The following RIC8B variants were observed in gnomAD, a reference collection of about 807,000 sequenced individuals.
RIC8B encodes chaperone Ric-8B.
Under a neutral mutation model 57.5 loss-of-function variants are expected in RIC8B, and 16 were observed. The ratio of observed to expected loss-of-function variants is 0.28; its 90% CI spans 0.19 to 0.42. The LOEUF is 0.42. RIC8B is among the 10% of genes least tolerant of loss of function. The pLI, the probability that RIC8B is intolerant of heterozygous loss-of-function variation, is 1.00. For missense variants in RIC8B, 481 were observed against 677.0 expected (o/e 0.71, Z 3.21); for synonymous variants, 216 against 250.8 (o/e 0.86, Z 1.31).
At chr12:106,845,561 C>G (rs540527830) in intron 6 of RIC8B, among the ~76,000 whole-genome samples, 3 of 152,140 alleles carry the variant, frequency 2.0e-5, no homozygotes, top group African/African-American at 7.2e-5. Context: ...ATTAACTTTG[C>G]ACCTGCATTT....
At chr12:106,830,233 A>G (rs2046298873) in intron 4 of RIC8B, among the ~76,000 whole-genome samples, 1 of 152,214 alleles carries the variant, frequency 6.6e-6, no homozygotes, top group Non-Finnish European at 1.5e-5. Flanking sequence ...GGATTTTCAT[A>G]AGGATTGCGT....
chr12:106,881,173 C>A (rs1788111907), intron 9 of RIC8B, among the ~76,000 whole-genome samples: 1 of 151,620 alleles, frequency 6.6e-6, no homozygotes, highest in Non-Finnish European at 1.5e-5. Context: ...TCATAGCTCT[C>A]AAACTTTGTA....
chr12:106,860,422 CA>C lies in RIC8B; in HGVS notation c.1451+13del. ...AAAATGCAAAACCAAAGTATAGTAT[CA>C]AATTTCTTTTCACCTAACTATGGCT... is the stretch of plus-strand genomic sequence containing the variant. On this transcript the variant is annotated intron_variant, in intron 8 of 9. Coordinates refer to ENST00000392837, the MANE Select transcript of RIC8B (RefSeq NM_001330145.2). 3 of 1,527,604 alleles carry C rather than the reference CA, an allele frequency of 2.0e-6. No homozygotes were observed. The highest frequency in any genetic ancestry group is 2.6e-6 in the Non-Finnish European group (3 of 1,135,870). 94.6% of individuals were successfully genotyped at this position (1,527,604 alleles called of 1,614,324 possible). A position where few individuals can be genotyped will look rare whatever the true frequency, so the allele number is the denominator to read the frequency against.
chr12:106,883,617 A>G (rs1951055585), intron 9 of RIC8B, among the ~76,000 whole-genome samples: 2 of 151,866 alleles, frequency 1.3e-5, no homozygotes, highest in South Asian at 4.2e-4. Context: ...TTTTCCTCCC[A>G]GTGAGTCATG....
In RIC8B at chr12:106,879,534, G is replaced by GAA. The variant is rs968958134; in HGVS notation, c.1572-6361_1572-6360dup. Reference sequence around the variant, plus strand: ...TCAGGAAAATGTTAAAATATATCTGGAAAAAAAAAACAGACCAGAATATTT... The same window carrying GAA: ...TCAGGAAAATGTTAAAATATATCTGGAAAAAAAAAAAACAGACCAGAATATTT... On this transcript the variant is annotated intron_variant, in intron 9 of 9. Coordinates refer to ENST00000392837, the MANE Select transcript of RIC8B (RefSeq NM_001330145.2). The surrounding 1 kb of genome is among the most constrained non-coding windows in gnomAD (Gnocchi z 4.9). 4 of 876,728 alleles carry GAA rather than the reference G, an allele frequency of 4.6e-6. No individual in the cohort carries two copies. The highest frequency in any genetic ancestry group is 3.7e-5 in the African/African-American group (2 of 53,736). 54.3% of individuals were successfully genotyped at this position (876,728 alleles called of 1,614,324 possible). A position where few individuals can be genotyped will look rare whatever the true frequency, so the allele number is the denominator to read the frequency against.
At chr12:106,791,146 C>A (rs1284415758) in intron 2 of RIC8B, among the ~76,000 whole-genome samples, 1 of 152,076 alleles carries the variant, frequency 6.6e-6, no homozygotes, top group African/African-American at 2.4e-5. Context: ...ATGTTGTTCA[C>A]TGAAAAAGCA....
chr12:106,844,741 T>C (rs1949110452), intron 6 of RIC8B, among the ~76,000 whole-genome samples: 1 of 152,232 alleles, frequency 6.6e-6, no homozygotes, highest in Admixed American at 6.5e-5. Flanking sequence ...AGGATGGTAG[T>C]GGTTAGAGTT....
chr12:106,884,641 C>T (rs548428626), intron 9 of RIC8B, among the ~76,000 whole-genome samples: 8 of 152,312 alleles, frequency 5.3e-5, no homozygotes, highest in Middle Eastern at 3.4e-3. Flanking sequence ...GCCTGTCAGA[C>T]GTTCACATTT....
At position 106,815,285 on chromosome 12, in the gene RIC8B, G is replaced by T. The variant is rs1204463640; in HGVS notation, c.722G>T (p.Ser241Ile). The part of the protein sequence containing the change: ...LKALFNVTVD[S>I]WKVHKESDSH... ...GCTCTCTTCAATGTGACGGTAGACA[G>T]TTGGAAGGTGCATAAAGAGGTAAGG... Residue 241 changes from serine to isoleucine, a missense_variant, in exon 3 of 10, where the codon AGT (serine) becomes ATT (isoleucine). Physicochemically the swap from Ser to Ile is moderately radical, Grantham distance 142. Coordinates refer to ENST00000392837, the MANE Select transcript of RIC8B (RefSeq NM_001330145.2). 1 of 1,612,460 alleles carries T rather than the reference G, an allele frequency of 6.2e-7. No individual in the cohort carries two copies. Among genetic ancestry groups the T allele is most frequent in the African/African-American group, 1.3e-5 (1 of 74,970 alleles).
intron 4 of RIC8B, among the ~76,000 whole-genome samples, chr12:106,841,715 A>G (rs753632212): frequency 5.3e-5 from 8 of 152,316 alleles, no homozygotes; most frequent in South Asian, 2.1e-4. Flanking sequence ...GCACAGGCAT[A>G]TAAGAGCCAG....
intron 2 of RIC8B, among the ~76,000 whole-genome samples, chr12:106,799,715 G>A (rs2044644136): frequency 6.6e-6 from 1 of 152,074 alleles, no homozygotes; most frequent in Non-Finnish European, 1.5e-5. Flanking sequence ...ATAGAACTAG[G>A]GATTAGGAAG....
intron 2 of RIC8B, among the ~76,000 whole-genome samples, chr12:106,793,760 A>C (rs1040085894): frequency 1.3e-5 from 2 of 152,240 alleles, no homozygotes; most frequent in African/African-American, 4.8e-5. Context: ...TATAAGGTGC[A>C]ACATTAGGGC....
chr12:106,778,254 T>C (rs1465365722), intron 1 of RIC8B, among the ~76,000 whole-genome samples: 2 of 152,198 alleles, frequency 1.3e-5, no homozygotes, highest in Non-Finnish European at 2.9e-5. Flanking sequence ...CCTGTCGGGC[T>C]CCGGGAAACA....
chr12:106,787,848 A>G (rs1414797951), intron 2 of RIC8B, among the ~76,000 whole-genome samples: 1 of 152,174 alleles, frequency 6.6e-6, no homozygotes, highest in Non-Finnish European at 1.5e-5. Flanking sequence ...GAGCCAAACC[A>G]TATCATTCTG....
intron 3 of RIC8B, among the ~76,000 whole-genome samples, chr12:106,824,597 ATATAT>A (rs2046007291): frequency 1.3e-5 from 2 of 152,144 alleles, no homozygotes; most frequent in South Asian, 4.1e-4. Context: ...GAAATCGATG[ATATAT>A]TAAGAAGTTT....
At chr12:106,874,618 A>C in intron 9 of RIC8B, 1 of 1,312,164 alleles carries the variant, frequency 7.6e-7, no homozygotes, top group South Asian at 1.3e-5. Flanking sequence ...TATAGATGTT[A>C]TTCACTACCA....
chr12:106,783,605 G>C (rs2043864450), intron 1 of RIC8B, among the ~76,000 whole-genome samples: 1 of 152,170 alleles, frequency 6.6e-6, no homozygotes, highest in Non-Finnish European at 1.5e-5. Context: ...GTCTCACAAA[G>C]TTGCTTATTT....
chr12:106,813,252 A>G (rs971241266), intron 2 of RIC8B, among the ~76,000 whole-genome samples: 11 of 135,960 alleles, frequency 8.1e-5, no homozygotes, highest in South Asian at 7.1e-4. Context: ...GTGCAGTGGC[A>G]TGATCTTGGC....
At chr12:106,870,249 G>A (rs1038047677) in intron 8 of RIC8B, among the ~76,000 whole-genome samples, 3 of 151,830 alleles carry the variant, frequency 2.0e-5, no homozygotes, top group East Asian at 1.9e-4. Context: ...CCCTTTTTTT[G>A]TCTAGGCCAG....
Sources: allele counts gnomAD v4.1 joint callset (sites outside exome capture counted in the v4.1 genomes callset), GRCh38; gene constraint gnomAD v4.1.1; non-coding constraint Gnocchi (gnomAD v3.1); transcripts MANE v1.5; gene names NCBI Gene and HGNC (gene_info 2026-07-23, HGNC 2026-07-21).